Variants in MSRB3 observed in about 807,000 individuals in gnomAD.
The protein encoded by MSRB3 is methionine sulfoxide reductase B3.
In MSRB3, 13 loss-of-function variants were observed where a neutral mutation model predicts 21.0. That is an observed-to-expected ratio of 0.62 (90% CI 0.40 to 0.98). The LOEUF is 0.98. Among genes scored for constraint, MSRB3 ranks in the 50% least tolerant of loss-of-function variants. The pLI, the probability that MSRB3 is intolerant of heterozygous loss-of-function variation, is 0.00. For synonymous variants in MSRB3, 87 were observed against 88.6 expected, an observed-to-expected ratio of 0.98 and a Z score of 0.10; for missense variants, 199 against 230.3, an observed-to-expected ratio of 0.86 and a Z score of 0.88.
intron 5 of MSRB3, among the ~76,000 whole-genome samples, chr12:65,412,399 C>G (rs1045237572): frequency 4.6e-5 from 7 of 152,152 alleles, no homozygotes; most frequent in African/African-American, 1.7e-4. Context: ...CTGTTGTGGA[C>G]TTTCAAATTG....
At chr12:65,280,596 T>TA (rs1441993823) in intron 1 of MSRB3, among the ~76,000 whole-genome samples, 4 of 152,200 alleles carry the variant, frequency 2.6e-5, no homozygotes, top group African/African-American at 9.7e-5. Flanking sequence ...TCCCAGCTGA[T>TA]ATATCAGTCT....
chr12:65,382,252 C>T (rs979608436), intron 5 of MSRB3, among the ~76,000 whole-genome samples: 26 of 151,922 alleles, frequency 1.7e-4, no homozygotes, highest in African/African-American at 5.1e-4. Context: ...CACAAAACAA[C>T]AATGTAAAGA....
intron 5 of MSRB3, among the ~76,000 whole-genome samples, chr12:65,405,250 C>T (rs964007208): frequency 8.5e-5 from 13 of 152,126 alleles, no homozygotes; most frequent in African/African-American, 3.1e-4. Context: ...CCATACCTGG[C>T]TTACTTAACT....
At chr12:65,315,546 T>C (rs1263203255) in intron 2 of MSRB3, among the ~76,000 whole-genome samples, 1 of 151,818 alleles carries the variant, frequency 6.6e-6, no homozygotes, top group Non-Finnish European at 1.5e-5. Flanking sequence ...GGTGCGCCTG[T>C]AATCCCAGCT....
At chr12:65,460,714 T>C (rs1883288395) in intron 6 of MSRB3, among the ~76,000 whole-genome samples, 1 of 151,432 alleles carries the variant, frequency 6.6e-6, no homozygotes, top group Admixed American at 6.6e-5. Flanking sequence ...AGTCTTTTTC[T>C]AACTATAATT....
intron 1 of MSRB3, among the ~76,000 whole-genome samples, chr12:65,300,387 A>T (rs747892820): frequency 1.3e-5 from 2 of 152,170 alleles, no homozygotes; most frequent in Non-Finnish European, 2.9e-5. Flanking sequence ...GATATTTAGG[A>T]TAGAAGGGAT....
intron 4 of MSRB3, among the ~76,000 whole-genome samples, chr12:65,331,736 C>T (rs1565837923): frequency 6.6e-6 from 1 of 152,178 alleles, no homozygotes; most frequent in African/African-American, 2.4e-5. Context: ...AGTATGCTAC[C>T]TAAGCTGGGT....
intron 5 of MSRB3, among the ~76,000 whole-genome samples, chr12:65,380,340 C>T (rs1355008817): frequency 6.6e-6 from 1 of 152,056 alleles, no homozygotes; most frequent in East Asian, 1.9e-4. Flanking sequence ...ACAGGCTTGG[C>T]CAAGGCAGTT....
intron 6 of MSRB3, among the ~76,000 whole-genome samples, chr12:65,456,582 T>C (rs1219319135): frequency 6.6e-6 from 1 of 152,076 alleles, no homozygotes; most frequent in Non-Finnish European, 1.5e-5. Flanking sequence ...AGGTGACTGT[T>C]CCTGTTCTTT....
intron 5 of MSRB3, among the ~76,000 whole-genome samples, chr12:65,381,255 A>G (rs538940183): frequency 1.6e-4 from 25 of 152,184 alleles, no homozygotes; most frequent in Non-Finnish European, 3.2e-4. Context: ...ACAGTTTACT[A>G]TGGTTTTGAC....
At chr12:65,459,900 G>T (rs1188371488) in intron 6 of MSRB3, among the ~76,000 whole-genome samples, 3 of 152,124 alleles carry the variant, frequency 2.0e-5, no homozygotes, top group Admixed American at 2.0e-4. Flanking sequence ...CTTTCCCTTG[G>T]TTCTCTGCAG....
At chr12:65,430,614 A>G (rs1038648427) in intron 5 of MSRB3, among the ~76,000 whole-genome samples, 1 of 152,146 alleles carries the variant, frequency 6.6e-6, no homozygotes, top group African/African-American at 2.4e-5. Flanking sequence ...AAATGATCGC[A>G]TCTCTAGTTT....
At chr12:65,401,805 G>A (rs1880141962) in intron 5 of MSRB3, among the ~76,000 whole-genome samples, 1 of 152,128 alleles carries the variant, frequency 6.6e-6, no homozygotes, top group South Asian at 2.1e-4. Flanking sequence ...GGCAAGCCTG[G>A]TGATGACAAA....
At position 65,328,519 on chromosome 12, in the gene MSRB3, TTATC is replaced by T; in HGVS notation, c.186-6_186-3del. On this transcript the variant is annotated splice_polypyrimidine_tract_variant and splice_region_variant and intron_variant, in intron 3 of 6. Coordinates refer to ENST00000308259, the MANE Select transcript of MSRB3 (RefSeq NM_001031679.3). ...TTAATTTTTTAAATGATCTGTTTAT[TTATC>T]AGTGCCTTTGAAGGAGAATACACAC... 1 of 1,591,538 alleles carries T rather than the reference TTATC, an allele frequency of 6.3e-7. No homozygotes were observed. Among genetic ancestry groups the T allele is most frequent in the Non-Finnish European group, 8.6e-7 (1 of 1,159,890 alleles).
intron 5 of MSRB3, among the ~76,000 whole-genome samples, chr12:65,434,509 A>G (rs1267137128): frequency 1.3e-5 from 2 of 151,920 alleles, no homozygotes; most frequent in Non-Finnish European, 2.9e-5. Flanking sequence ...CCATTCAGAA[A>G]TAGTGAAGAA....
chr12:65,346,111 G>A (rs1489176097), intron 4 of MSRB3, among the ~76,000 whole-genome samples: 2 of 152,066 alleles, frequency 1.3e-5, no homozygotes, highest in Non-Finnish European at 2.9e-5. Context: ...GTAATGGGAT[G>A]GCTGGGTCAA....
chr12:65,403,458 A>C (rs866082045), intron 5 of MSRB3, among the ~76,000 whole-genome samples: 7 of 152,102 alleles, frequency 4.6e-5, no homozygotes, highest in African/African-American at 1.4e-4. Context: ...CCCTCCCCCC[A>C]CCAAGCTCAA....
At chr12:65,457,759 A>C (rs936396720) in intron 6 of MSRB3, among the ~76,000 whole-genome samples, 1 of 151,854 alleles carries the variant, frequency 6.6e-6, no homozygotes, top group African/African-American at 2.4e-5. Flanking sequence ...CAAGAAAAAA[A>C]AAAACAAACC....
intron 4 of MSRB3, among the ~76,000 whole-genome samples, chr12:65,347,010 A>G (rs1876560830): frequency 6.6e-6 from 1 of 152,180 alleles, no homozygotes; most frequent in Non-Finnish European, 1.5e-5. Context: ...GTTTGAAGTC[A>G]GATAGCATGA....
Sources: gnomAD v4.1 joint callset for allele counts (sites outside exome capture counted in the v4.1 genomes callset) on GRCh38, gnomAD v4.1.1 for gene constraint, MANE v1.5 for transcripts, NCBI Gene and HGNC (gene_info 2026-07-23, HGNC 2026-07-21) for gene names.